LSAMP: variants seen among roughly 807,000 people sequenced by gnomAD.
LSAMP encodes the protein limbic system-associated membrane protein.
A neutral mutation model predicts 38.6 loss-of-function variants in LSAMP; 7 were observed. The ratio of observed to expected loss-of-function variants is 0.18; its 90% confidence interval spans 0.10 to 0.34. The LOEUF (loss-of-function observed/expected upper bound fraction) is 0.34, where lower values mean the gene tolerates loss of function less well. LSAMP is among the 10% of genes least tolerant of loss of function. The pLI, the probability that LSAMP is intolerant of heterozygous loss-of-function variation, is 1.00. For missense variants in LSAMP, 313 were observed against 420.0 expected (o/e 0.75, Z 2.23); for synonymous variants, 154 against 166.8 (o/e 0.92, Z 0.59).
At chr3:116,388,532 A>G (rs1285002682) in intron 1 of LSAMP, among the ~76,000 whole-genome samples, 1 of 152,160 alleles carries the variant, frequency 6.6e-6, no homozygotes, top group Non-Finnish European at 1.5e-5. Flanking sequence ...ATATTTTACT[A>G]AATGCCAACA....
intron 1 of LSAMP, among the ~76,000 whole-genome samples, chr3:116,429,843 A>G (rs1194218489): frequency 1.3e-5 from 2 of 152,210 alleles, no homozygotes. Flanking sequence ...AGTTTGAACC[A>G]TATTGACCAA....
intron 1 of LSAMP, among the ~76,000 whole-genome samples, chr3:116,357,975 T>G (rs2048248474): frequency 6.6e-6 from 1 of 151,664 alleles, no homozygotes; most frequent in African/African-American, 2.4e-5. Flanking sequence ...ACCAGGAAAC[T>G]TTAGGAAACT....
intron 6 of LSAMP, among the ~76,000 whole-genome samples, chr3:115,837,661 G>A (rs150093142): frequency 6.1e-4 from 93 of 151,618 alleles, no homozygotes; most frequent in African/African-American, 2.1e-3. Flanking sequence ...GTGAAAAAAG[G>A]AGAAAAAAAA....
intron 3 of LSAMP, among the ~76,000 whole-genome samples, chr3:115,950,333 C>A (rs1436616557): frequency 2.6e-5 from 4 of 151,942 alleles, no homozygotes; most frequent in African/African-American, 9.7e-5. Flanking sequence ...ACCTAGAAAA[C>A]CCTACAGACT....
chr3:116,265,405 T>C (rs889293208), intron 1 of LSAMP, among the ~76,000 whole-genome samples: 1 of 152,166 alleles, frequency 6.6e-6, no homozygotes, highest in African/African-American at 2.4e-5. Context: ...ATCTATCTTT[T>C]TGACAATGTA....
intron 2 of LSAMP, among the ~76,000 whole-genome samples, chr3:116,051,481 G>T (rs1941395717): frequency 6.6e-6 from 1 of 152,130 alleles, no homozygotes; most frequent in Admixed American, 6.5e-5. Flanking sequence ...TTTTTCTTTG[G>T]GAATCCTTTA....
intron 3 of LSAMP, among the ~76,000 whole-genome samples, chr3:115,921,695 C>T (rs891852316): frequency 1.3e-5 from 2 of 152,066 alleles, no homozygotes; most frequent in Non-Finnish European, 2.9e-5. Flanking sequence ...CTTACTTAAA[C>T]TTCAACTAAT....
At chr3:115,903,410 T>C (rs759920732) in intron 3 of LSAMP, among the ~76,000 whole-genome samples, 6 of 152,062 alleles carry the variant, frequency 3.9e-5, no homozygotes, top group Non-Finnish European at 8.8e-5. Context: ...AGCTGAGTGA[T>C]GAAGTAATCT....
At position 116,428,549 on chromosome 3, in the gene LSAMP, C is replaced by T. The variant is rs139661469; in HGVS notation, c.155+16328G>A. Among the ~76,000 whole-genome samples, 987 of 152,228 alleles carry T rather than the reference C, an allele frequency of 6.5e-3. 13 individuals are homozygous for T. The highest frequency in any genetic ancestry group is 0.022 in the African/African-American group (931 of 41,534). ...AATGCATTTTTCATTATACAAGAGA[C>T]TACACAGACTCAAAAAAGAGTAATA... On this transcript the variant is annotated intron_variant, in intron 1 of 6. Transcript: ENST00000490035.
rs66654115 is a variant in LSAMP, at chr3:115,818,790, TTATATATATATATATA to T, written c.920-8392_920-8377del. 3.6e-4 allele frequency among the ~76,000 whole-genome samples: 25 copies of T among 69,788 alleles called. 3 individuals carry two copies. In the South Asian group the frequency reaches 3.8e-3, roughly 11 times the overall value. 45.8% of individuals were successfully genotyped at this position (69,788 alleles called of 152,430 possible). ...ATAAGAAAGAAGGAAAGTTGTACTT[TTATATATATATATATA>T]TATATATATATATATAACTGCAGCA... is the stretch of plus-strand genomic sequence containing the variant. On this transcript the variant is annotated intron_variant, in intron 6 of 6. Coordinates refer to ENST00000490035, the MANE Select transcript of LSAMP (RefSeq NM_002338.5).
Position 116,209,182 on chromosome 3 carries a change from C to A in LSAMP, c.156-122626G>T, listed in dbSNP as rs551591148. On this transcript the variant is annotated intron_variant, in intron 1 of 6. Transcript: ENST00000490035. The stretch of plus-strand genomic sequence containing the variant: ...GATTTTCCAGGTGAGTCCGTCACCC[C>A]TTTCTTTGACTTGGAAAGGGAACTC... 1.9e-3 allele frequency among the ~76,000 whole-genome samples: 290 copies of A among 152,268 alleles called. 1 individual carries two copies. The highest frequency in any genetic ancestry group is 3.5e-3 in the Non-Finnish European group (237 of 68,028).
At chr3:116,352,178 G>A (rs1481812016) in intron 1 of LSAMP, among the ~76,000 whole-genome samples, 1 of 152,044 alleles carries the variant, frequency 6.6e-6, no homozygotes, top group Non-Finnish European at 1.5e-5. Flanking sequence ...TCCACCACTA[G>A]GGTAGTCAAC....
intron 1 of LSAMP, among the ~76,000 whole-genome samples, chr3:116,156,259 G>A (rs1709744837): frequency 6.6e-6 from 1 of 152,146 alleles, no homozygotes; most frequent in South Asian, 2.1e-4. Context: ...AGATCAGCTT[G>A]TACTACCTGT....
At chr3:116,229,321 T>C (rs1233422454) in intron 1 of LSAMP, among the ~76,000 whole-genome samples, 2 of 152,090 alleles carry the variant, frequency 1.3e-5, no homozygotes, top group Non-Finnish European at 2.9e-5. Context: ...ATCTAAACCA[T>C]GAAGCTAAAA....
chr3:115,830,056 A>G (rs543860668), intron 6 of LSAMP, among the ~76,000 whole-genome samples: 1 of 152,338 alleles, frequency 6.6e-6, no homozygotes, highest in South Asian at 2.1e-4. Flanking sequence ...CATGAAAAAT[A>G]TAATTTCTTT....
intron 1 of LSAMP, among the ~76,000 whole-genome samples, chr3:116,300,484 G>C (rs114535576): frequency 4.5e-4 from 69 of 152,248 alleles, no homozygotes; most frequent in African/African-American, 1.5e-3. Context: ...CCCCATACTG[G>C]TCTGTGCCCT....
intron 1 of LSAMP, among the ~76,000 whole-genome samples, chr3:116,125,068 C>T (rs1388454526): frequency 1.3e-5 from 2 of 152,086 alleles, no homozygotes; most frequent in East Asian, 3.9e-4. Context: ...TCTAGCTTTG[C>T]CTGATGTGCT....
At chr3:116,241,901 C>T (rs188958993) in intron 1 of LSAMP, among the ~76,000 whole-genome samples, 87 of 152,324 alleles carry the variant, frequency 5.7e-4, no homozygotes, top group Middle Eastern at 3.4e-3. Context: ...TAACCCTATG[C>T]AGAGAACAGC....
chr3:115,904,283 T>A (rs533552461), intron 3 of LSAMP, among the ~76,000 whole-genome samples: 4 of 152,096 alleles, frequency 2.6e-5, no homozygotes, highest in African/African-American at 4.8e-5. Flanking sequence ...GTTTTAAAAA[T>A]GTAAATGAAA....
Sources: allele counts gnomAD v4.1 joint callset (sites outside exome capture counted in the v4.1 genomes callset), GRCh38; gene constraint gnomAD v4.1.1; transcripts MANE v1.5; gene names NCBI Gene and HGNC (gene_info 2026-07-23, HGNC 2026-07-21).